B4GAT1: variants seen among roughly 807,000 people sequenced by gnomAD.
B4GAT1 encodes the protein beta-1,4-glucuronyltransferase 1, also known as N-acetyllactosaminide beta-1,3-N-acetylglucosaminyltransferase.
B4GAT1 carries 18 observed loss-of-function variants against 35.0 expected under a neutral mutation model. The ratio of observed to expected loss-of-function variants is 0.51; its 90% confidence interval spans 0.36 to 0.76. B4GAT1 has a LOEUF of 0.76. Ranked by LOEUF, B4GAT1 falls within the 30% of genes least tolerant of loss-of-function variation. The pLI, the probability that B4GAT1 is intolerant of heterozygous loss-of-function variation, is 0.01. For missense variants in B4GAT1, 458 were observed against 555.0 expected (o/e 0.83, Z 1.76); for synonymous variants, 217 against 251.6 (o/e 0.86, Z 1.30).
chr11:66,345,760 A>C lies in B4GAT1; in HGVS notation c.*289T>G, dbSNP rs537869583. ...TACGAAGCTTACAGAATGTTTTCAC[A>C]TATAGCATCTCATCTGAGCCTCCCA... On this transcript the variant is annotated 3_prime_UTR_variant, in exon 2 of 2. Coordinates refer to ENST00000311181, the MANE Select transcript of B4GAT1 (RefSeq NM_006876.3). 2.6e-5 allele frequency: 10 copies of C among 381,542 alleles called. No homozygotes were observed. The highest frequency in any genetic ancestry group is 4.3e-5 in the Non-Finnish European group (9 of 211,236). The allele number at this position is 381,542 out of a possible 1,614,324, so 23.6% of individuals were successfully genotyped here. A position where few individuals can be genotyped will look rare whatever the true frequency, so the allele number is the denominator to read the frequency against.
Position 66,347,528 on chromosome 11 carries a change from G to T in B4GAT1, c.18C>A (p.Ala6=). Residue 6 remains alanine, a synonymous_variant, in exon 1 of 2, where the codon GCC becomes GCA. Transcript: ENST00000311181. The surrounding 1 kb of genome is among the most constrained non-coding windows in gnomAD (Gnocchi z 6.3). The stretch of plus-strand genomic sequence containing the variant: ...GCAGCTGGTAGAAGGCGCACCGGAT[G>T]GCGTAGGACATCTGCATGGCTCTCG... MQMSY[A]IRCAFYQLLL... is the part of the protein sequence containing the mutation. 6.7e-7 allele frequency: 1 copy of T among 1,483,510 alleles called. No homozygotes were observed. The highest frequency in any genetic ancestry group is 1.4e-5 in the South Asian group (1 of 70,606). The allele number at this position is 1,483,510 out of a possible 1,614,324, so 91.9% of individuals were successfully genotyped here.
In B4GAT1 at chr11:66,346,428, A is replaced by G. The variant is rs921769060; in HGVS notation, c.1056+62T>C. On this transcript the variant is annotated intron_variant, in intron 1 of 1. Transcript: ENST00000311181. The surrounding 1 kb of genome is among the most constrained non-coding windows in gnomAD (Gnocchi z 6.1). The stretch of plus-strand genomic sequence containing the variant: ...TCCTTTCCATCCAGGGCCACTCCTC[A>G]TAACTCCCTGATCCCACCACCCCTC... 1.4e-5 allele frequency: 21 copies of G among 1,551,848 alleles called. No homozygotes were observed. In the Admixed American group the frequency reaches 2.6e-4, roughly 19 times the overall value.
rs1331589057 is a variant in B4GAT1 at position 66,346,783 on chromosome 11, G to T, written c.763C>A (p.Leu255Met). The T allele has an allele frequency of 1.2e-6, 2 of 1,613,686 alleles. No individual in the cohort carries two copies. Among genetic ancestry groups the T allele is most frequent in the Non-Finnish European group, 8.5e-7 (1 of 1,180,006 alleles). Residue 255 changes from leucine to methionine, a missense_variant, in exon 1 of 2, where the codon CTG becomes ATG. Coordinates refer to ENST00000311181, the MANE Select transcript of B4GAT1 (RefSeq NM_006876.3). This position sits in a 1 kb window ranked among gnomAD's most constrained non-coding sequence, Gnocchi z 6.1. ...DQSNQWGGTALVVPAFEIRRA... is the reference protein window; with the variant it reads ...DQSNQWGGTAMVVPAFEIRRA... ...CGGATTTCGAAGGCAGGCACCACCA[G>T]CGCGGTGCCTCCCCACTGGTTGCTC... is the stretch of plus-strand genomic sequence containing the variant.
In B4GAT1 at chr11:66,347,599, A is replaced by C. The variant is rs1359562290; in HGVS notation, c.-54T>G. ...CGACCACCCGGCCACAGACTACGCC[A>C]GCGGCCGCAAGCCCGGATTTACCGC... On this transcript the variant is annotated 5_prime_UTR_variant, in exon 1 of 2. Coordinates refer to ENST00000311181, the MANE Select transcript of B4GAT1 (RefSeq NM_006876.3). This position sits in a 1 kb window ranked among gnomAD's most constrained non-coding sequence, Gnocchi z 6.3. 8.1e-7 allele frequency: 1 copy of C among 1,236,008 alleles called. No individual in the cohort carries two copies. Among genetic ancestry groups the C allele is most frequent in the Non-Finnish European group, 1.0e-6 (1 of 990,116 alleles). The allele number at this position is 1,236,008 out of a possible 1,614,324, so 76.6% of individuals were successfully genotyped here. A position where few individuals can be genotyped will look rare whatever the true frequency, so the allele number is the denominator to read the frequency against.
In B4GAT1 at chr11:66,347,267, G is replaced by T. The variant is rs887264258; in HGVS notation, c.279C>A (p.Asn93Lys). The T allele has an allele frequency of 1.9e-6, 3 of 1,569,738 alleles. No homozygotes were observed. Among genetic ancestry groups the T allele is most frequent in the African/African-American group, 2.7e-5 (2 of 73,926 alleles). Residue 93 changes from asparagine to lysine, a missense_variant, in exon 1 of 2, where the codon AAC (asparagine) becomes AAA (lysine). Coordinates refer to ENST00000311181, the MANE Select transcript of B4GAT1 (RefSeq NM_006876.3). This position sits in a 1 kb window ranked among gnomAD's most constrained non-coding sequence, Gnocchi z 6.3. ...RGLLKTTMDP[N>K]DVILATHASV... ...TGGCGTGCGTGGCCAGGATCACATC[G>T]TTGGGGTCCATGGTGGTCTTCAGCA...
Position 66,346,826 on chromosome 11 carries a change from C to G in B4GAT1, c.720G>C (p.Leu240=), listed in dbSNP as rs199697038. The G allele has an allele frequency of 1.2e-5, 19 of 1,613,712 alleles. No individual in the cohort carries two copies. Among genetic ancestry groups the G allele is most frequent in the Non-Finnish European group, 1.4e-5 (17 of 1,179,944 alleles). ...MVPSEGLWRG[L]REMLDQSNQW... The stretch of plus-strand genomic sequence containing the variant: ...GGTTGCTCTGATCCAGCATTTCCCG[C>G]AGGCCTCTCCACAGCCCCTCGCTGG... The change falls in exon 1 of 2, where the codon CTG becomes CTC. Residue 240 remains leucine (L), a synonymous_variant. Coordinates refer to ENST00000311181, the MANE Select transcript of B4GAT1 (RefSeq NM_006876.3). This position sits in a 1 kb window ranked among gnomAD's most constrained non-coding sequence, Gnocchi z 6.1.
Position 66,347,460 on chromosome 11 carries a change from T to G in B4GAT1, c.86A>C (p.Tyr29Ser). ...GTGCAGTCCGGACAGCAGCGACAGG[T>G]AGAGCAGCTGCAGCATCGCCACCAG... Reference protein sequence around the residue: ...LMLVAMLQLLYLSLLSGLHGQ... With the variant: ...LMLVAMLQLLSLSLLSGLHGQ... Residue 29 changes from tyrosine to serine, a missense_variant, in exon 1 of 2, where the codon TAC becomes TCC. Transcript: ENST00000311181. The surrounding 1 kb of genome is among the most constrained non-coding windows in gnomAD (Gnocchi z 6.3). 1 of 1,535,198 alleles carries G rather than the reference T, an allele frequency of 6.5e-7. No individual in the cohort carries two copies. The highest frequency in any genetic ancestry group is 8.7e-7 in the Non-Finnish European group (1 of 1,143,918).
rs377415983 is a variant in B4GAT1 at position 66,346,964 on chromosome 11, C to T, written c.582G>A (p.Gln194=). 9.9e-6 allele frequency: 16 copies of T among 1,611,100 alleles called. No individual in the cohort carries two copies. Among genetic ancestry groups the T allele is most frequent in the Non-Finnish European group, 1.4e-5 (16 of 1,179,702 alleles). Residue 194 remains glutamine, a synonymous_variant, in exon 1 of 2, where the codon CAG becomes CAA. Transcript: ENST00000311181. The surrounding 1 kb of genome is among the most constrained non-coding windows in gnomAD (Gnocchi z 6.1). ...TGCCCAGCGCATAATTAATCCCGGG[C>T]TGGGCCACCCTGGCTAGCTTGTCAA... The part of the protein sequence containing the change: ...EVFDKLARVA[Q]PGINYALGTN...
Position 66,347,566 on chromosome 11 carries a change from C to T in B4GAT1, c.-21G>A, listed in dbSNP as rs185880727. 4.1e-5 allele frequency: 53 copies of T among 1,281,632 alleles called. No homozygotes were observed. The African/African-American group carries it at 7.4e-4, about 18-fold the overall frequency. The allele number at this position is 1,281,632 out of a possible 1,614,324, so 79.4% of individuals were successfully genotyped here. On this transcript the variant is annotated 5_prime_UTR_variant, in exon 1 of 2. Coordinates refer to ENST00000311181, the MANE Select transcript of B4GAT1 (RefSeq NM_006876.3). This position sits in a 1 kb window ranked among gnomAD's most constrained non-coding sequence, Gnocchi z 6.3. ...TGCATGGCTCTCGGGGCTCGGGGCG[C>T]GCAGCAACGACCACCCGGCCACAGA...
chr11:66,347,225 C>G lies in B4GAT1; in HGVS notation c.321G>C (p.Leu107=). ...LATHASVDNL[L]HLSGLLERWE... ...AGCGCTCCAGCAGACCCGACAGGTGCAGCAGGTTGTCCACGCTGGCGTGCG... is the reference window on the plus strand; with the variant it reads ...AGCGCTCCAGCAGACCCGACAGGTGGAGCAGGTTGTCCACGCTGGCGTGCG... The change falls in exon 1 of 2, where the codon CTG becomes CTC. Residue 107 remains leucine (L), a synonymous_variant. Transcript: ENST00000311181. This position sits in a 1 kb window ranked among gnomAD's most constrained non-coding sequence, Gnocchi z 6.3. 1 of 1,572,796 alleles carries G rather than the reference C, an allele frequency of 6.4e-7. No homozygotes were observed. Among genetic ancestry groups the G allele is most frequent in the Non-Finnish European group, 8.6e-7 (1 of 1,159,630 alleles).
Position 66,347,021 on chromosome 11 carries a change from C to A in B4GAT1, c.525G>T (p.Glu175Asp). ...CCTGGCAGGACCGCAGCAGGGCAAA[C>A]TCCCCCGGCTCCCGGGGGTCGGGCA... ...AAVPDPREPG[E>D]FALLRSCQEV... is the part of the protein sequence containing the mutation. Residue 175 changes from glutamate to aspartate, a missense_variant, in exon 1 of 2, where the codon GAG becomes GAT. Glu to Asp is a conservative substitution (Grantham distance 45, BLOSUM62 2). Coordinates refer to ENST00000311181, the MANE Select transcript of B4GAT1 (RefSeq NM_006876.3). This position sits in a 1 kb window ranked among gnomAD's most constrained non-coding sequence, Gnocchi z 6.3. The A allele has an allele frequency of 6.3e-7, 1 of 1,591,248 alleles. No individual in the cohort carries two copies. Among genetic ancestry groups the A allele is most frequent in the Non-Finnish European group, 8.5e-7 (1 of 1,170,216 alleles).
Position 66,346,456 on chromosome 11 carries a change from G to T in B4GAT1, c.1056+34C>A. ...ACTCCCTGATCCCACCACCCCTCCT[G>T]CCCCATTACCCCTGCCCTCTCCCTT... On this transcript the variant is annotated intron_variant, in intron 1 of 1. Transcript: ENST00000311181. The surrounding 1 kb of genome is among the most constrained non-coding windows in gnomAD (Gnocchi z 6.1). The T allele has an allele frequency of 6.4e-7, 1 of 1,570,248 alleles. No individual in the cohort carries two copies.
rs1855220177 is a variant in B4GAT1, at chr11:66,346,695, A to G, written c.851T>C (p.Val284Ala). ...GCACAACCCATAATAGAAGGGCCGC[A>G]CCTCGCCAACCTGGTAGAGCTGCAC... ...ELVQLYQVGE[V>A]RPFYYGLCTP... Residue 284 changes from valine to alanine, a missense_variant, in exon 1 of 2, where the codon GTG (valine) becomes GCG (alanine). Transcript: ENST00000311181. The surrounding 1 kb of genome is among the most constrained non-coding windows in gnomAD (Gnocchi z 6.1). 1.9e-6 allele frequency: 3 copies of G among 1,613,782 alleles called. No homozygotes were observed. The highest frequency in any genetic ancestry group is 2.5e-6 in the Non-Finnish European group (3 of 1,180,008).
At position 66,347,606 on chromosome 11, in the gene B4GAT1, G is replaced by C; in HGVS notation, c.-61C>G. ...CCGGCCACAGACTACGCCAGCGGCC[G>C]CAAGCCCGGATTTACCGCAGCCTGC... is the stretch of plus-strand genomic sequence containing the variant. On this transcript the variant is annotated 5_prime_UTR_variant, in exon 1 of 2. Coordinates refer to ENST00000311181, the MANE Select transcript of B4GAT1 (RefSeq NM_006876.3). This position sits in a 1 kb window ranked among gnomAD's most constrained non-coding sequence, Gnocchi z 6.3. 1 of 1,233,602 alleles carries C rather than the reference G, an allele frequency of 8.1e-7. No individual in the cohort carries two copies. Among genetic ancestry groups the C allele is most frequent in the Non-Finnish European group, 1.0e-6 (1 of 988,768 alleles). The allele number at this position is 1,233,602 out of a possible 1,614,324, so 76.4% of individuals were successfully genotyped here.
In B4GAT1 at chr11:66,347,023, C is replaced by T. The variant is rs747321125; in HGVS notation, c.523G>A (p.Glu175Lys). ...TGGCAGGACCGCAGCAGGGCAAACT[C>T]CCCCGGCTCCCGGGGGTCGGGCACG... ...AAVPDPREPG[E>K]FALLRSCQEV... is the part of the protein sequence containing the mutation. Residue 175 changes from glutamate (E) to lysine (K), a missense_variant, in exon 1 of 2, where the codon GAG becomes AAG. By Grantham distance (56) the Glu-to-Lys change is moderately conservative (BLOSUM62 1). Transcript: ENST00000311181. This position sits in a 1 kb window ranked among gnomAD's most constrained non-coding sequence, Gnocchi z 6.3. The T allele has an allele frequency of 1.3e-6, 2 of 1,590,722 alleles. No homozygotes were observed. The highest frequency in any genetic ancestry group is 1.3e-5 in the African/African-American group (1 of 74,678).
In B4GAT1 at chr11:66,346,468, C is replaced by T. The variant is rs1159583725; in HGVS notation, c.1056+22G>A. On this transcript the variant is annotated intron_variant, in intron 1 of 1. Coordinates refer to ENST00000311181, the MANE Select transcript of B4GAT1 (RefSeq NM_006876.3). The surrounding 1 kb of genome is among the most constrained non-coding windows in gnomAD (Gnocchi z 6.1). Reference sequence around the variant, plus strand: ...CACCACCCCTCCTGCCCCATTACCCCTGCCCTCTCCCTTATGAGCACCTGG... The same window carrying T: ...CACCACCCCTCCTGCCCCATTACCCTTGCCCTCTCCCTTATGAGCACCTGG... 1 of 1,584,276 alleles carries T rather than the reference C, an allele frequency of 6.3e-7. No individual in the cohort carries two copies. Among genetic ancestry groups the T allele is most frequent in the Middle Eastern group, 1.7e-4 (1 of 5,876 alleles).
At position 66,347,351 on chromosome 11, in the gene B4GAT1, G is replaced by A. The variant is rs1555016641; in HGVS notation, c.195C>T (p.Thr65=). ...SVDQVKAQLR[T]ALASGGVLDA... ...CCAGGACGCCTCCAGAGGCCAGCGC[G>A]GTGCGGAGCTGCGCCTTGACCTGGT... The change falls in exon 1 of 2, where the codon ACC becomes ACT. Residue 65 remains threonine, a synonymous_variant. Transcript: ENST00000311181. This position sits in a 1 kb window ranked among gnomAD's most constrained non-coding sequence, Gnocchi z 6.3. The A allele has an allele frequency of 1.3e-6, 2 of 1,586,904 alleles. No homozygotes were observed. Among genetic ancestry groups the A allele is most frequent in the Non-Finnish European group, 1.7e-6 (2 of 1,167,164 alleles).
In B4GAT1 at chr11:66,346,891, C is replaced by G; in HGVS notation, c.655G>C (p.Gly219Arg). 6.2e-7 allele frequency: 1 copy of G among 1,613,940 alleles called. No individual in the cohort carries two copies. The highest frequency in any genetic ancestry group is 8.5e-7 in the Non-Finnish European group (1 of 1,179,996). The stretch of plus-strand genomic sequence containing the variant: ...TCGATCACCAGGGCATAGTTGGCCC[C>G]CTCACGAGCCAGATTCCTCAGCAGG... ...NNLLRNLARE[G>R]ANYALVIDVD... The change falls in exon 1 of 2, where the codon GGG (glycine) becomes CGG (arginine). Residue 219 changes from glycine (G) to arginine (R), a missense_variant. Gly to Arg is a moderately radical substitution (Grantham distance 125). Coordinates refer to ENST00000311181, the MANE Select transcript of B4GAT1 (RefSeq NM_006876.3). The surrounding 1 kb of genome is among the most constrained non-coding windows in gnomAD (Gnocchi z 6.1).
chr11:66,346,766 G>T lies in B4GAT1; in HGVS notation c.780C>A (p.Phe260Leu), dbSNP rs1319732212. The T allele has an allele frequency of 6.2e-7, 1 of 1,613,740 alleles. No homozygotes were observed. The highest frequency in any genetic ancestry group is 2.2e-5 in the East Asian group (1 of 44,864). Reference protein sequence around the residue: ...WGGTALVVPAFEIRRARRMPM... With the variant: ...WGGTALVVPALEIRRARRMPM... ...GCATGCGGCGGGCTCTTCGGATTTC[G>T]AAGGCAGGCACCACCAGCGCGGTGC... The change falls in exon 1 of 2, where the codon TTC becomes TTA. Residue 260 changes from phenylalanine to leucine, a missense_variant. Physicochemically the swap from Phe to Leu is conservative, Grantham distance 22. Transcript: ENST00000311181. The surrounding 1 kb of genome is among the most constrained non-coding windows in gnomAD (Gnocchi z 6.1).
Sources: gnomAD v4.1 joint callset for allele counts on GRCh38, gnomAD v4.1.1 for gene constraint, Gnocchi (gnomAD v3.1) non-coding constraint, MANE v1.5 for transcripts, NCBI Gene and HGNC (gene_info 2026-07-23, HGNC 2026-07-21) for gene names.